DLGAP2: variants seen among roughly 807,000 people sequenced by gnomAD.
The protein encoded by DLGAP2 is disks large-associated protein 2.
A neutral mutation model predicts 100.3 loss-of-function variants in DLGAP2; 26 were observed. That is an observed-to-expected ratio of 0.26 (90% confidence interval 0.19 to 0.36). The LOEUF is 0.36. Among genes scored for constraint, DLGAP2 ranks in the 10% least tolerant of loss-of-function variants. The pLI is 1.00. For synonymous variants in DLGAP2, 886 were observed against 630.1 expected (o/e 1.41, Z -6.08); for missense variants, 1,858 against 1,453.2 (o/e 1.28, Z -4.53).
chr8:1,000,191 T>C (rs1800907820), intron 2 of DLGAP2, among the ~76,000 whole-genome samples: 2 of 150,892 alleles, frequency 1.3e-5, no homozygotes, highest in Non-Finnish European at 3.0e-5. Flanking sequence ...TGGAGGTGGT[T>C]TTCTTTTGCA....
intron 2 of DLGAP2, among the ~76,000 whole-genome samples, chr8:950,788 A>AT (rs1176570798): frequency 6.6e-6 from 1 of 150,894 alleles, no homozygotes; most frequent in Non-Finnish European, 1.5e-5. Flanking sequence ...TGCCCGGCTA[A>AT]TTTTTTTGTA....
intron 2 of DLGAP2, among the ~76,000 whole-genome samples, chr8:1,051,900 A>G (rs989353305): frequency 3.3e-5 from 5 of 152,192 alleles, no homozygotes; most frequent in Middle Eastern, 6.8e-3. Context: ...TCAACATGCC[A>G]TGGATTCATG....
intron 3 of DLGAP2, among the ~76,000 whole-genome samples, chr8:1,462,773 C>T (rs1199010659): frequency 6.6e-6 from 1 of 152,226 alleles, no homozygotes; most frequent in Non-Finnish European, 1.5e-5. Context: ...GGGATGCCTC[C>T]TGAACAAGCC....
At chr8:1,494,183 T>G (rs1027609393) in intron 3 of DLGAP2, among the ~76,000 whole-genome samples, 8 of 152,250 alleles carry the variant, frequency 5.3e-5, no homozygotes, top group Non-Finnish European at 1.2e-4. Context: ...TATTGTTTCC[T>G]TTTCCATCAA....
At chr8:1,645,394 G>A (rs1332804146) in intron 8 of DLGAP2, among the ~76,000 whole-genome samples, 1 of 152,236 alleles carries the variant, frequency 6.6e-6, no homozygotes. Flanking sequence ...CAGTGTCAGT[G>A]TTATGAGCTT....
chr8:892,423 A>G (rs1798054610), intron 1 of DLGAP2, among the ~76,000 whole-genome samples: 1 of 152,158 alleles, frequency 6.6e-6, no homozygotes, highest in African/African-American at 2.4e-5. Context: ...TGGGGACACT[A>G]TGCTGAGTGG....
At chr8:878,078 T>A (rs1797718881) in intron 1 of DLGAP2, among the ~76,000 whole-genome samples, 1 of 152,230 alleles carries the variant, frequency 6.6e-6, no homozygotes, top group Non-Finnish European at 1.5e-5. Context: ...GTCTATAATT[T>A]TCAACAGTTT....
intron 1 of DLGAP2, among the ~76,000 whole-genome samples, chr8:890,827 C>T (rs965086266): frequency 2.6e-5 from 4 of 152,148 alleles, no homozygotes; most frequent in African/African-American, 4.8e-5. Flanking sequence ...CACCCTGGGG[C>T]GTTTCCCGAC....
intron 12 of DLGAP2, among the ~76,000 whole-genome samples, chr8:1,687,533 G>A (rs904086215): frequency 6.6e-6 from 1 of 152,172 alleles, no homozygotes; most frequent in East Asian, 1.9e-4. Flanking sequence ...TCACTGAACA[G>A]CAAAATTCTC....
intron 13 of DLGAP2, among the ~76,000 whole-genome samples, chr8:1,696,091 C>G (rs1458971758): frequency 6.6e-6 from 1 of 152,198 alleles, no homozygotes; most frequent in Admixed American, 6.5e-5. Context: ...GCTGAGTGTG[C>G]ACTGCTGAAA....
chr8:1,275,038 AC>A (rs1317719193), intron 3 of DLGAP2, among the ~76,000 whole-genome samples: 1 of 152,162 alleles, frequency 6.6e-6, no homozygotes, highest in African/African-American at 2.4e-5. Context: ...AGACAGACAG[AC>A]AGACAGAGCC....
chr8:1,340,770 A>C (rs74575553), intron 3 of DLGAP2, among the ~76,000 whole-genome samples: 8,298 of 152,308 alleles, frequency 0.054, 754 homozygotes, highest in African/African-American at 0.19. Flanking sequence ...ACATGCACAG[A>C]CACACATGCA....
chr8:810,913 C>G (rs990808190), intron 1 of DLGAP2, among the ~76,000 whole-genome samples: 1 of 152,200 alleles, frequency 6.6e-6, no homozygotes, highest in African/African-American at 2.4e-5. Context: ...ATGTTGACAT[C>G]TAGAGGTGGC....
At chr8:1,423,159 A>C (rs1002762529) in intron 3 of DLGAP2, among the ~76,000 whole-genome samples, 1 of 152,254 alleles carries the variant, frequency 6.6e-6, no homozygotes, top group African/African-American at 2.4e-5. Flanking sequence ...GCTAAAGCCT[A>C]GGTGGCAAGT....
chr8:956,373 C>T (rs917459537), intron 2 of DLGAP2, among the ~76,000 whole-genome samples: 56 of 152,270 alleles, frequency 3.7e-4, no homozygotes, highest in African/African-American at 1.2e-3. Flanking sequence ...GGTGCATGAA[C>T]GGTATTGACA....
chr8:772,189 C>G (rs899617080), intron 1 of DLGAP2, among the ~76,000 whole-genome samples: 3 of 152,180 alleles, frequency 2.0e-5, no homozygotes, highest in Admixed American at 6.5e-5. Context: ...GCATCAGCCA[C>G]TGTGCCCAGC....
chr8:1,351,891 C>A (rs1209686993), intron 3 of DLGAP2, among the ~76,000 whole-genome samples: 2 of 89,426 alleles, frequency 2.2e-5, no homozygotes, highest in Non-Finnish European at 4.6e-5. Flanking sequence ...TTTGGAAAGG[C>A]CGTGCGGGTC....
intron 1 of DLGAP2, among the ~76,000 whole-genome samples, chr8:816,929 A>G (rs1796491239): frequency 6.6e-6 from 1 of 152,222 alleles, no homozygotes; most frequent in Admixed American, 6.5e-5. Flanking sequence ...TCACAAGGTC[A>G]GGAGATCGAG....
At chr8:1,113,613 T>A (rs1366117515) in intron 2 of DLGAP2, among the ~76,000 whole-genome samples, 2 of 152,194 alleles carry the variant, frequency 1.3e-5, no homozygotes, top group African/African-American at 4.8e-5. Flanking sequence ...AGACTGGGGT[T>A]TTCTAGATAT....
Sources: gnomAD v4.1 joint callset for allele counts (sites outside exome capture counted in the v4.1 genomes callset) on GRCh38, gnomAD v4.1.1 for gene constraint, MANE v1.5 for transcripts, NCBI Gene and HGNC (gene_info 2026-07-23, HGNC 2026-07-21) for gene names.